NELL2: variants seen among roughly 807,000 people sequenced by gnomAD.
NELL2 encodes protein kinase C-binding protein NELL2.
In NELL2, 41 loss-of-function variants were observed where a neutral mutation model predicts 109.6. The ratio of observed to expected loss-of-function variants is 0.37; its 90% CI spans 0.29 to 0.49. The LOEUF (loss-of-function observed/expected upper bound fraction) is 0.49, where lower values mean the gene tolerates loss of function less well. NELL2 is among the 20% of genes least tolerant of loss of function. The probability of loss-of-function intolerance (pLI) is 0.98; values close to 1 mark genes in which losing one functional copy is unlikely to be tolerated. For synonymous variants in NELL2, 355 were observed against 344.7 expected, an observed-to-expected ratio of 1.03 and a Z score of -0.33; for missense variants, 900 against 1,008.3, an observed-to-expected ratio of 0.89 and a Z score of 1.45.
At chr12:44,698,919 C>T (rs1592357621) in intron 12 of NELL2, among the ~76,000 whole-genome samples, 1 of 152,114 alleles carries the variant, frequency 6.6e-6, no homozygotes, top group East Asian at 1.9e-4. Flanking sequence ...CAGCTGTCAT[C>T]CCCAGCAACT....
At chr12:44,519,300 G>C (rs944647455) in intron 19 of NELL2, among the ~76,000 whole-genome samples, 2 of 152,146 alleles carry the variant, frequency 1.3e-5, no homozygotes, top group African/African-American at 2.4e-5. Context: ...TTAAATTTTT[G>C]TAGAAATAAT....
intron 1 of NELL2, among the ~76,000 whole-genome samples, chr12:44,894,723 T>C (rs1945574327): frequency 1.3e-5 from 2 of 152,178 alleles, no homozygotes; most frequent in African/African-American, 4.8e-5. Context: ...TAACAATTTA[T>C]AAAAATTATT....
At chr12:44,711,559 T>G (rs893722321) in intron 10 of NELL2, among the ~76,000 whole-genome samples, 165 bp from the exon 11 acceptor site, 1 of 152,086 alleles carries the variant, frequency 6.6e-6, no homozygotes, top group East Asian at 1.9e-4. Flanking sequence ...TAAATCCCAA[T>G]TGGAAAGTCT....
intron 12 of NELL2, among the ~76,000 whole-genome samples, chr12:44,672,925 G>A (rs779766389): frequency 1.6e-4 from 24 of 152,094 alleles, no homozygotes; most frequent in African/African-American, 5.3e-4. Context: ...AAAACTCCAC[G>A]TAGGATCATA....
intron 9 of NELL2, among the ~76,000 whole-genome samples, chr12:44,722,446 G>T (rs1157486609): frequency 6.6e-6 from 1 of 152,210 alleles, no homozygotes; most frequent in Admixed American, 6.5e-5. Flanking sequence ...GATTATAGGT[G>T]TGAGCCACCA....
intron 15 of NELL2, among the ~76,000 whole-genome samples, chr12:44,597,594 C>T (rs967870945): frequency 2.6e-5 from 4 of 152,172 alleles, no homozygotes; most frequent in Admixed American, 1.3e-4. Flanking sequence ...ACTTAGTTCC[C>T]TCTATGTTGC....
intron 13 of NELL2, among the ~76,000 whole-genome samples, chr12:44,623,231 T>C (rs1444011063): frequency 6.6e-6 from 1 of 152,118 alleles, no homozygotes; most frequent in Non-Finnish European, 1.5e-5. Context: ...TGTGCATATA[T>C]GTGGGTACGT....
At chr12:44,713,027 T>G (rs1285345392) in intron 10 of NELL2, among the ~76,000 whole-genome samples, 1 of 151,918 alleles carries the variant, frequency 6.6e-6, no homozygotes, top group Admixed American at 6.6e-5. Context: ...ACCTGCTGTG[T>G]TGCCTCTATA....
At chr12:44,667,042 A>T (rs902264618) in intron 12 of NELL2, among the ~76,000 whole-genome samples, 2 of 152,202 alleles carry the variant, frequency 1.3e-5, no homozygotes, top group Admixed American at 1.3e-4. Flanking sequence ...TCCCTAATGA[A>T]CTAAAATACT....
At chr12:44,607,132 A>G (rs1341427723) in intron 15 of NELL2, 37 bp downstream of exon 15, 9 of 1,568,580 alleles carry the variant, frequency 5.7e-6, no homozygotes, top group Non-Finnish European at 7.8e-6. Context: ...CATTGGCATA[A>G]AAATTCATTT....
intron 2 of NELL2, among the ~76,000 whole-genome samples, chr12:44,842,862 G>T (rs1944269413): frequency 6.6e-6 from 1 of 151,926 alleles, no homozygotes; most frequent in Non-Finnish European, 1.5e-5. Flanking sequence ...GCAGATGGAG[G>T]CAAGAATTGA....
At chr12:44,693,267 T>C (rs1163044691) in intron 12 of NELL2, among the ~76,000 whole-genome samples, 1 of 152,220 alleles carries the variant, frequency 6.6e-6, no homozygotes, top group Admixed American at 6.5e-5. Context: ...TTTTTTGCAG[T>C]AAAATATGTT....
chr12:44,892,766 C>T (rs1592707807), intron 1 of NELL2, among the ~76,000 whole-genome samples: 1 of 145,246 alleles, frequency 6.9e-6, no homozygotes. Context: ...CCACTGCACT[C>T]CAGGCTGGGC....
intron 9 of NELL2, among the ~76,000 whole-genome samples, chr12:44,767,714 T>G (rs1214543292): frequency 1.3e-5 from 2 of 152,082 alleles, no homozygotes; most frequent in Non-Finnish European, 2.9e-5. Flanking sequence ...TATGAAAATA[T>G]CTCCAATATA....
chr12:44,899,851 T>A (rs576738637), intron 1 of NELL2, among the ~76,000 whole-genome samples: 5 of 152,270 alleles, frequency 3.3e-5, no homozygotes, highest in African/African-American at 9.6e-5. Context: ...ATCGGTGTGC[T>A]ATATTCAGGA....
At chr12:44,894,286 G>A (rs542262734) in intron 1 of NELL2, among the ~76,000 whole-genome samples, 1 of 152,096 alleles carries the variant, frequency 6.6e-6, no homozygotes, top group East Asian at 1.9e-4. Context: ...TGATGACAAT[G>A]TTACTCTCAG....
At chr12:44,796,654 A>C (rs192254391) in intron 3 of NELL2, among the ~76,000 whole-genome samples, 49 of 152,244 alleles carry the variant, frequency 3.2e-4, no homozygotes, top group African/African-American at 9.6e-4. Context: ...TAATAATAAC[A>C]CTACTACAAA....
intron 3 of NELL2, among the ~76,000 whole-genome samples, chr12:44,791,183 C>CATAGAT (rs1284244565): frequency 4.0e-4 from 6 of 15,090 alleles, no homozygotes; most frequent in Non-Finnish European, 7.0e-4. Flanking sequence ...AGTATTCCAT[C>CATAGAT]ATATATATAT....
chr12:44,714,562 A>C (rs1938382191), intron 10 of NELL2, 88 bp downstream of exon 10: 2 of 713,068 alleles, frequency 2.8e-6, no homozygotes, highest in African/African-American at 3.8e-5. Flanking sequence ...AATTTCAAAA[A>C]TGTATTTCAA....
Sources: gnomAD v4.1 joint callset for allele counts (sites outside exome capture counted in the v4.1 genomes callset) on GRCh38, gnomAD v4.1.1 for gene constraint, MANE v1.5 for transcripts, NCBI Gene and HGNC (gene_info 2026-07-23, HGNC 2026-07-21) for gene names.